Variants in DISC1 observed in about 807,000 individuals in gnomAD.
The protein encoded by DISC1 is DISC1 scaffold protein, also known as disrupted in schizophrenia 1 protein.
In DISC1, 57 loss-of-function variants were observed where a neutral mutation model predicts 84.5. The ratio of observed to expected loss-of-function variants is 0.67; its 90% CI spans 0.55 to 0.84. DISC1 has a LOEUF of 0.84. Ranked by LOEUF, DISC1 falls within the 40% of genes least tolerant of loss-of-function variation. The pLI is 0.00. For synonymous variants in DISC1, 411 were observed against 415.2 expected (o/e 0.99, Z 0.12); for missense variants, 1,000 against 1,057.8 (o/e 0.95, Z 0.76).
chr1:231,771,738 A>G (rs1027006085), intron 6 of DISC1: 6 of 235,326 alleles, frequency 2.5e-5, no homozygotes, highest in African/African-American at 1.4e-4. Flanking sequence ...CTCTGGAGTG[A>G]GAATCATCCC....
chr1:231,657,241 T>C (rs923336010), intron 1 of DISC1, among the ~76,000 whole-genome samples: 1 of 152,216 alleles, frequency 6.6e-6, no homozygotes, highest in African/African-American at 2.4e-5. Context: ...TAATTTACAC[T>C]CCCACCAACA....
intron 6 of DISC1, among the ~76,000 whole-genome samples, chr1:231,783,155 A>C (rs2077561338): frequency 6.6e-6 from 1 of 152,096 alleles, no homozygotes; most frequent in South Asian, 2.1e-4. Context: ...GTTGTATTTA[A>C]TGGGTTGAAC....
intron 6 of DISC1, among the ~76,000 whole-genome samples, chr1:231,784,024 G>C (rs2077638807): frequency 6.6e-6 from 1 of 152,106 alleles, no homozygotes; most frequent in Non-Finnish European, 1.5e-5. Flanking sequence ...AACACTTTGG[G>C]AGGCCAAGGT....
intron 9 of DISC1, among the ~76,000 whole-genome samples, chr1:231,950,668 T>C (rs1316218281): frequency 2.0e-5 from 3 of 152,192 alleles, no homozygotes; most frequent in African/African-American, 7.2e-5. Flanking sequence ...GGAGATTGCA[T>C]GTAGGAGCAG....
chr1:231,852,569 G>A (rs1174476248), intron 9 of DISC1, among the ~76,000 whole-genome samples: 2 of 152,144 alleles, frequency 1.3e-5, no homozygotes, highest in Non-Finnish European at 2.9e-5. Flanking sequence ...GCAACATTTG[G>A]GGCACATGCG....
rs542722253 is a variant in DISC1, at chr1:231,948,320, CT to C, written c.1982-10507del. Among the ~76,000 whole-genome samples the C allele has an allele frequency of 3.1e-3, 473 of 152,216 alleles. 2 individuals are homozygous for C. Among genetic ancestry groups the C allele is most frequent in the Non-Finnish European group, 5.3e-3 (360 of 68,018 alleles). On this transcript the variant is annotated intron_variant, in intron 9 of 12. Transcript: ENST00000439617. ...GTCCTTTGCAGGGAGATGGATGAAG[CT>C]CGAAACCACCATTCTCCGCAAACTA...
intron 3 of DISC1, among the ~76,000 whole-genome samples, chr1:231,715,467 C>T (rs939661555): frequency 1.3e-5 from 2 of 152,324 alleles, no homozygotes; most frequent in East Asian, 3.9e-4. Context: ...AACAGATTTT[C>T]CAGAGACTTT....
At chr1:231,701,916 A>G (rs1232599889) in intron 2 of DISC1, 39 bp from the exon 3 acceptor site, 1 of 1,519,126 alleles carries the variant, frequency 6.6e-7, no homozygotes, top group Middle Eastern at 1.8e-4. Context: ...CTTGAATTCT[A>G]TTGTAATTTT....
At chr1:231,928,495 C>A (rs1238759949) in intron 9 of DISC1, among the ~76,000 whole-genome samples, 5 of 152,150 alleles carry the variant, frequency 3.3e-5, no homozygotes, top group Admixed American at 6.5e-5. Context: ...TTAATCTTTT[C>A]AAAAAACCAG....
intron 3 of DISC1, among the ~76,000 whole-genome samples, chr1:231,735,792 A>G (rs1210194840): frequency 6.6e-6 from 1 of 152,144 alleles, no homozygotes; most frequent in South Asian, 2.1e-4. Context: ...CCTCATCCAA[A>G]CTGTAACACT....
At chr1:231,906,330 G>A (rs1486739385) in intron 9 of DISC1, among the ~76,000 whole-genome samples, 1 of 152,118 alleles carries the variant, frequency 6.6e-6, no homozygotes, top group Non-Finnish European at 1.5e-5. Flanking sequence ...TCAAGGGCAT[G>A]GATTTTGATC....
intron 1 of DISC1, among the ~76,000 whole-genome samples, chr1:231,638,786 T>G (rs1246277395): frequency 6.6e-6 from 1 of 152,232 alleles, no homozygotes; most frequent in East Asian, 1.9e-4. Context: ...ATACCCTTTT[T>G]AAAAGACAAC....
At chr1:231,648,513 A>G (rs968331015) in intron 1 of DISC1, among the ~76,000 whole-genome samples, 5 of 152,038 alleles carry the variant, frequency 3.3e-5, no homozygotes, top group Admixed American at 2.6e-4. Flanking sequence ...ATTGGTCTAA[A>G]ATTCTCTTTT....
At chr1:231,866,891 T>G (rs2085102194) in intron 9 of DISC1, among the ~76,000 whole-genome samples, 1 of 152,234 alleles carries the variant, frequency 6.6e-6, no homozygotes, top group Non-Finnish European at 1.5e-5. Context: ...CTGCTCATCC[T>G]CTGCCGCAGG....
At chr1:231,831,854 G>A (rs558442831) in intron 9 of DISC1, among the ~76,000 whole-genome samples, 6 of 49,762 alleles carry the variant, frequency 1.2e-4, no homozygotes, top group African/African-American at 4.3e-4. Flanking sequence ...GGTAGTGGGG[G>A]GGGGTGGGCA....
At chr1:232,035,994 A>G (rs1670483452) in intron 12 of DISC1, among the ~76,000 whole-genome samples, 3 of 152,222 alleles carry the variant, frequency 2.0e-5, no homozygotes, top group Admixed American at 1.3e-4. Flanking sequence ...TTAAGAAAAG[A>G]AAAGAACCAA....
chr1:231,777,648 G>C (rs1256558773), intron 6 of DISC1, among the ~76,000 whole-genome samples: 1 of 152,216 alleles, frequency 6.6e-6, no homozygotes, highest in Admixed American at 6.5e-5. Flanking sequence ...TGCCCGGAGT[G>C]AGGCTTCCCT....
intron 12 of DISC1, among the ~76,000 whole-genome samples, chr1:232,027,243 G>A (rs1032818116): frequency 6.6e-6 from 1 of 152,142 alleles, no homozygotes; most frequent in Non-Finnish European, 1.5e-5. Context: ...ATCCACCTCT[G>A]AATTTCTTTA....
chr1:231,737,765 G>A (rs10864694), intron 3 of DISC1, among the ~76,000 whole-genome samples: 33,697 of 152,166 alleles, frequency 0.22, 3,949 homozygotes, highest in East Asian at 0.44. Context: ...TATCTCCCTC[G>A]TTCTCATGCC....
Sources: gnomAD v4.1 joint callset for allele counts (sites outside exome capture counted in the v4.1 genomes callset) on GRCh38, gnomAD v4.1.1 for gene constraint, MANE v1.5 for transcripts, NCBI Gene and HGNC (gene_info 2026-07-23, HGNC 2026-07-21) for gene names.